Variants in LRRC4C observed in about 807,000 individuals in gnomAD.
LRRC4C encodes the protein leucine-rich repeat-containing protein 4C.
LRRC4C carries 5 observed loss-of-function variants against 33.6 expected under a neutral mutation model. The observed-to-expected ratio is 0.15, with a 90% confidence interval of 0.08 to 0.31. LRRC4C has a LOEUF of 0.31. Among genes scored for constraint, LRRC4C ranks in the 10% least tolerant of loss-of-function variants. The pLI, the probability that LRRC4C is intolerant of heterozygous loss-of-function variation, is 1.00. For synonymous variants in LRRC4C, 329 were observed against 302.0 expected, an observed-to-expected ratio of 1.09 and a Z score of -0.93; for missense variants, 560 against 796.7, an observed-to-expected ratio of 0.70 and a Z score of 3.58.
intron 1 of LRRC4C, among the ~76,000 whole-genome samples, chr11:41,045,854 G>A (rs761272781): frequency 6.6e-6 from 1 of 151,998 alleles, no homozygotes; most frequent in Non-Finnish European, 1.5e-5. Flanking sequence ...CCTTGTAGAT[G>A]GTAAATTTCA....
intron 3 of LRRC4C, among the ~76,000 whole-genome samples, chr11:40,367,409 C>A (rs941162495): frequency 6.6e-6 from 1 of 152,062 alleles, no homozygotes; most frequent in Non-Finnish European, 1.5e-5. Context: ...AGAAAAAGGT[C>A]CCACCACTGA....
In LRRC4C at chr11:41,085,495, C is replaced by A. The variant is rs142053891; in HGVS notation, c.-495-151772G>T. Among the ~76,000 whole-genome samples, 1,174 of 152,158 alleles carry A rather than the reference C, an allele frequency of 7.7e-3. 6 individuals carry two copies. Among genetic ancestry groups the A allele is most frequent in the Non-Finnish European group, 0.011 (731 of 67,994 alleles). On this transcript the variant is annotated intron_variant, in intron 1 of 6. Transcript: ENST00000528697. ...GGGAAAGTTATGTAACCTCACTAAGCAATTTATAAAATATTAATAATAATA... is the reference window on the plus strand; with the variant it reads ...GGGAAAGTTATGTAACCTCACTAAGAAATTTATAAAATATTAATAATAATA...
intron 1 of LRRC4C, among the ~76,000 whole-genome samples, chr11:41,163,902 G>A (rs7109993): frequency 0.17 from 26,587 of 152,094 alleles, 2,852 homozygotes; most frequent in East Asian, 0.37. Context: ...ATGAGATGCT[G>A]CACCTGGCCA....
At chr11:41,074,392 G>C (rs1938950060) in intron 1 of LRRC4C, among the ~76,000 whole-genome samples, 1 of 152,028 alleles carries the variant, frequency 6.6e-6, no homozygotes, top group South Asian at 2.1e-4. Flanking sequence ...TGTGTCAGTG[G>C]GGATTTTCTG....
At chr11:40,617,808 C>T (rs1962014547) in intron 3 of LRRC4C, among the ~76,000 whole-genome samples, 1 of 151,670 alleles carries the variant, frequency 6.6e-6, no homozygotes, top group Admixed American at 6.6e-5. Context: ...ATTTTAGCAT[C>T]CCCTTTTCAC....
intron 2 of LRRC4C, among the ~76,000 whole-genome samples, chr11:40,902,943 C>T (rs929837932): frequency 6.6e-6 from 1 of 152,068 alleles, no homozygotes; most frequent in Non-Finnish European, 1.5e-5. Flanking sequence ...CAGCAAGTTA[C>T]CCGGAAGATC....
chr11:40,365,108 A>AG (rs1226502843), intron 3 of LRRC4C, among the ~76,000 whole-genome samples: 2 of 139,060 alleles, frequency 1.4e-5, no homozygotes, highest in Admixed American at 1.5e-4. Context: ...GGATCCACAA[A>AG]GAAAAAAAAA....
At chr11:40,243,855 T>G in intron 4 of LRRC4C, among the ~76,000 whole-genome samples, 1 of 82,128 alleles carries the variant, frequency 1.2e-5, no homozygotes, top group South Asian at 4.4e-4. Flanking sequence ...CACCTGGGTA[T>G]TTTTTTTTTT....
At chr11:40,982,351 G>C (rs750094046) in intron 1 of LRRC4C, among the ~76,000 whole-genome samples, 1 of 152,142 alleles carries the variant, frequency 6.6e-6, no homozygotes, top group Non-Finnish European at 1.5e-5. Flanking sequence ...AAAAATTGGT[G>C]GCTGATATAA....
intron 3 of LRRC4C, among the ~76,000 whole-genome samples, chr11:40,500,579 A>G (rs1181715915): frequency 6.6e-6 from 1 of 151,950 alleles, no homozygotes; most frequent in Non-Finnish European, 1.5e-5. Flanking sequence ...ATGAGGCAGA[A>G]GTGAAAGCTG....
chr11:41,157,580 G>T (rs1944290220), intron 1 of LRRC4C, among the ~76,000 whole-genome samples: 1 of 152,048 alleles, frequency 6.6e-6, no homozygotes, highest in Admixed American at 6.6e-5. Flanking sequence ...CTATAATCTT[G>T]CATGAAAGTC....
intron 1 of LRRC4C, among the ~76,000 whole-genome samples, chr11:40,998,452 A>G (rs1212304110): frequency 6.6e-6 from 1 of 152,048 alleles, no homozygotes; most frequent in Non-Finnish European, 1.5e-5. Flanking sequence ...TAAAATTGAT[A>G]CCCAACTTGA....
intron 2 of LRRC4C, among the ~76,000 whole-genome samples, chr11:40,822,025 A>AT (rs1397221710): frequency 6.6e-6 from 1 of 151,670 alleles, no homozygotes; most frequent in Non-Finnish European, 1.5e-5. Context: ...TATTTTAAAT[A>AT]TTTTTTCTAG....
chr11:40,700,628 G>T (rs1024916397), intron 2 of LRRC4C, among the ~76,000 whole-genome samples: 1 of 152,070 alleles, frequency 6.6e-6, no homozygotes, highest in Non-Finnish European at 1.5e-5. Flanking sequence ...AAAGGACAAA[G>T]TTAGCTAAAT....
chr11:41,294,171 C>T (rs1413192753), intron 1 of LRRC4C, among the ~76,000 whole-genome samples: 1 of 152,184 alleles, frequency 6.6e-6, no homozygotes, highest in Non-Finnish European at 1.5e-5. Context: ...GCTCAAGTAT[C>T]TACCCATTTA....
intron 5 of LRRC4C, among the ~76,000 whole-genome samples, chr11:40,178,032 T>C (rs1332593177): frequency 1.3e-5 from 2 of 152,232 alleles, no homozygotes; most frequent in Non-Finnish European, 2.9e-5. Context: ...AAATGAATGC[T>C]ATAATCAATG....
At chr11:40,947,296 A>G (rs1958447049) in intron 1 of LRRC4C, among the ~76,000 whole-genome samples, 1 of 152,182 alleles carries the variant, frequency 6.6e-6, no homozygotes. Flanking sequence ...ATAAAAATTG[A>G]GAAGTGGGAA....
intron 2 of LRRC4C, among the ~76,000 whole-genome samples, chr11:40,670,238 C>T (rs1423919961): frequency 6.6e-6 from 1 of 152,188 alleles, no homozygotes; most frequent in East Asian, 1.9e-4. Flanking sequence ...TTTCTTCATA[C>T]ACTGCGGTGT....
intron 3 of LRRC4C, among the ~76,000 whole-genome samples, chr11:40,540,816 C>G (rs1419944729): frequency 6.6e-6 from 1 of 152,108 alleles, no homozygotes; most frequent in East Asian, 1.9e-4. Flanking sequence ...AATCTCTCTT[C>G]TATAGAAAGG....
Sources: gnomAD v4.1 joint callset for allele counts (sites outside exome capture counted in the v4.1 genomes callset) on GRCh38, gnomAD v4.1.1 for gene constraint, MANE v1.5 for transcripts, NCBI Gene and HGNC (gene_info 2026-07-23, HGNC 2026-07-21) for gene names.